Variants in PRKD2 observed in about 807,000 individuals in gnomAD.
PRKD2 encodes the protein serine/threonine-protein kinase D2.
PRKD2 carries 22 observed loss-of-function variants against 86.0 expected under a neutral mutation model. The ratio of observed to expected loss-of-function variants is 0.26; its 90% CI spans 0.18 to 0.37. The LOEUF (loss-of-function observed/expected upper bound fraction) is 0.37, where lower values mean the gene tolerates loss of function less well. PRKD2 is among the 10% of genes least tolerant of loss of function. PRKD2 has a pLI of 1.00. For synonymous variants in PRKD2, 509 were observed against 510.9 expected, an observed-to-expected ratio of 1.00 and a Z score of 0.05; for missense variants, 818 against 1,199.2, an observed-to-expected ratio of 0.68 and a Z score of 4.70.
intron 1 of PRKD2, 199 bp from the exon 2 acceptor site, chr19:46,714,200 G>A (rs1488046184): frequency 3.8e-6 from 5 of 1,330,942 alleles, no homozygotes; most frequent in Non-Finnish European, 4.8e-6. Flanking sequence ...GTACGGGGAG[G>A]GGGCGCCGGC....
Position 46,716,425 on chromosome 19 carries a change from C to G in PRKD2, c.-55G>C, listed in dbSNP as rs528137098. 635 of 1,121,484 alleles carry G rather than the reference C, an allele frequency of 5.7e-4. 1 individual carries two copies. Among genetic ancestry groups the G allele is most frequent in the Non-Finnish European group, 4.0e-4 (332 of 832,258 alleles). The allele number at this position is 1,121,484 out of a possible 1,614,324, so 69.5% of individuals were successfully genotyped here. On this transcript the variant is annotated 5_prime_UTR_variant, in exon 1 of 18. Coordinates refer to ENST00000291281, the MANE Select transcript of PRKD2 (RefSeq NM_016457.5). This position sits in a 1 kb window ranked among gnomAD's most constrained non-coding sequence, Gnocchi z 7.9. ...GCCCACCCGGGACCCGGCCGGGGGG[C>G]CCCGGGGGACCCTGGGTTCTAGATC... is the stretch of plus-strand genomic sequence containing the variant.
rs1159306440 is a variant in PRKD2, at chr19:46,680,924, C to CTATATATATATATATATATATA, written c.2070+704_2070+725dup. Among the ~76,000 whole-genome samples the CTATATATATATATATATATATA allele has an allele frequency of 1.2e-3, 90 of 72,378 alleles. 3 individuals carry two copies. Among genetic ancestry groups the CTATATATATATATATATATATA allele is most frequent in the Middle Eastern group, 0.01 (1 of 100 alleles). The allele number at this position is 72,378 out of a possible 152,430, so 47.5% of individuals were successfully genotyped here. ...ATAAAGTGCTATATGTTGGGATAAA[C>CTATATATATATATATATATATA]TATATATATATATATATATATATTT... On this transcript the variant is annotated intron_variant, in intron 15 of 17. Coordinates refer to ENST00000291281, the MANE Select transcript of PRKD2 (RefSeq NM_016457.5).
At chr19:46,702,126 C>T (rs2053645830) in intron 5 of PRKD2, among the ~76,000 whole-genome samples, 1 of 151,098 alleles carries the variant, frequency 6.6e-6, no homozygotes, top group Admixed American at 6.6e-5. Flanking sequence ...GCAACCTCTG[C>T]CTCCCAGGCT....
intron 16 of PRKD2, 121 bp from the exon 17 acceptor site, chr19:46,675,239 T>G (rs2053180892): frequency 9.0e-6 from 7 of 779,736 alleles, no homozygotes; most frequent in Non-Finnish European, 1.3e-5. Flanking sequence ...CTCAGGTGGC[T>G]CAGAAGCCTC....
chr19:46,717,081 TCGG>T lies in PRKD2; in HGVS notation c.-714_-712del, dbSNP rs537848612. Reference sequence around the variant, plus strand: ...TCTTTTTCCCCCTCCAAAGTTTAAGTCGGCGGCGGCGGCGGCGGCCCAGGAGGA... The same window carrying T: ...TCTTTTTCCCCCTCCAAAGTTTAAGTCGGCGGCGGCGGCGGCCCAGGAGGA... On this transcript the variant is annotated 5_prime_UTR_variant, in exon 1 of 18. Coordinates refer to ENST00000291281, the MANE Select transcript of PRKD2 (RefSeq NM_016457.5). 5 of 153,200 alleles carry T rather than the reference TCGG, an allele frequency of 3.3e-5. No individual in the cohort carries two copies. The highest frequency in any genetic ancestry group is 2.0e-4 in the East Asian group (1 of 5,126). The allele number at this position is 153,200 out of a possible 1,614,324, so 9.5% of individuals were successfully genotyped here. A position where few individuals can be genotyped will look rare whatever the true frequency, so the allele number is the denominator to read the frequency against.
chr19:46,677,523 GAC>G (rs2053227074), intron 16 of PRKD2: 1 of 152,206 alleles, frequency 6.6e-6, no homozygotes, highest in African/African-American at 2.4e-5. Flanking sequence ...CCTGGCTTCT[GAC>G]ACACCCCAGT....
At chr19:46,684,332 G>GT (rs1189449992) in intron 14 of PRKD2, among the ~76,000 whole-genome samples, 1 of 151,864 alleles carries the variant, frequency 6.6e-6, no homozygotes, top group African/African-American at 2.4e-5. Context: ...TCTCCAGATT[G>GT]TTTTTTTGAG....
chr19:46,714,207 C>T, intron 1 of PRKD2: 3 of 1,312,996 alleles, frequency 2.3e-6, no homozygotes, highest in Non-Finnish European at 2.9e-6. Context: ...GAGGGGGCGC[C>T]GGCGTGGGTT....
intron 14 of PRKD2, among the ~76,000 whole-genome samples, chr19:46,684,970 A>AC (rs1448211715): frequency 1.4e-5 from 2 of 139,508 alleles, no homozygotes; most frequent in African/African-American, 2.7e-5. Context: ...CTCAAAAAAA[A>AC]AAAACATTGG....
chr19:46,685,597 A>C (rs868578068), intron 14 of PRKD2: 50 of 152,134 alleles, frequency 3.3e-4, no homozygotes, highest in African/African-American at 1.2e-3. Context: ...AGAAAGAGAA[A>C]CCCCCTCAGC....
Position 46,689,618 on chromosome 19 carries a change from C to A in PRKD2, c.1890G>T (p.Leu630=), listed in dbSNP as rs574607618. ...GGATCATCTCCAACATGTCCCCATG[C>A]AGCTTCTCCATCACCACAAACACTT... is the stretch of plus-strand genomic sequence containing the variant. The part of the protein sequence containing the change: ...PEKVFVVMEK[L]HGDMLEMILS... The change falls in exon 14 of 18, where the codon CTG becomes CTT. Residue 630 remains leucine (L), a synonymous_variant. Transcript: ENST00000291281. 1.0e-4 allele frequency: 168 copies of A among 1,614,190 alleles called. 1 individual carries two copies. The South Asian group carries it at 1.6e-3, about 16-fold the overall frequency.
chr19:46,713,061 C>A (rs1447446510), intron 2 of PRKD2, among the ~76,000 whole-genome samples: 1 of 151,874 alleles, frequency 6.6e-6, no homozygotes, highest in Non-Finnish European at 1.5e-5. Flanking sequence ...CTCTGTTGCC[C>A]AGGCTGGAGT....
At chr19:46,711,146 TTTCC>T (rs910634396) in intron 2 of PRKD2, 108 bp from the exon 3 acceptor site, 118 of 1,406,804 alleles carry the variant, frequency 8.4e-5, no homozygotes, top group Non-Finnish European at 1.1e-4. Flanking sequence ...AGGTGTGATC[TTTCC>T]TTCCTTCCTT....
chr19:46,698,727 G>C (rs774550440), intron 7 of PRKD2, among the ~76,000 whole-genome samples: 12 of 152,150 alleles, frequency 7.9e-5, no homozygotes, highest in Non-Finnish European at 1.5e-4. Flanking sequence ...AGGCAGAAGT[G>C]GGGGGATCAC....
In PRKD2 at chr19:46,716,100, C is replaced by T; in HGVS notation, c.240+31G>A. The T allele has an allele frequency of 6.2e-7, 1 of 1,604,068 alleles. No individual in the cohort carries two copies. Among genetic ancestry groups the T allele is most frequent in the Admixed American group, 1.7e-5 (1 of 59,160 alleles). On this transcript the variant is annotated intron_variant, in intron 1 of 17. Coordinates refer to ENST00000291281, the MANE Select transcript of PRKD2 (RefSeq NM_016457.5). The surrounding 1 kb of genome is among the most constrained non-coding windows in gnomAD (Gnocchi z 7.9). ...AGCGCCCCCTCCTTCAACCTCTCCC[C>T]GAGCTGGATCCAGGGAGCCTGCGCC...
chr19:46,710,598 T>TA, intron 3 of PRKD2: 1 of 345,598 alleles, frequency 2.9e-6, no homozygotes, highest in African/African-American at 2.1e-5. Flanking sequence ...CCCTAACTGA[T>TA]AGAGGCCCCA....
intron 14 of PRKD2, chr19:46,689,095 A>G (rs1451889392): frequency 7.5e-6 from 1 of 133,176 alleles, no homozygotes; most frequent in Admixed American, 7.4e-5. Context: ...GGTTATTATT[A>G]CTTCTGTACG....
chr19:46,700,391 T>G (rs1488664546), intron 7 of PRKD2, among the ~76,000 whole-genome samples: 1 of 151,460 alleles, frequency 6.6e-6, no homozygotes, highest in Non-Finnish European at 1.5e-5. Context: ...TTTGGGAGGC[T>G]GAGGCGGGTG....
In PRKD2 at chr19:46,693,793, C is replaced by T; in HGVS notation, c.1576+82G>A. The T allele has an allele frequency of 3.3e-6, 5 of 1,502,724 alleles. No homozygotes were observed. The South Asian group carries it at 3.9e-5, about 12-fold the overall frequency. The allele number at this position is 1,502,724 out of a possible 1,614,324, so 93.1% of individuals were successfully genotyped here. On this transcript the variant is annotated intron_variant, in intron 10 of 17. Transcript: ENST00000291281. This position sits in a 1 kb window ranked among gnomAD's most constrained non-coding sequence, Gnocchi z 4.5. ...CTCAACCCCACCATTGCCCACTTTC[C>T]TCTTTGGCCCTTCCATTCCCCAGAA...
Sources: allele counts gnomAD v4.1 joint callset (sites outside exome capture counted in the v4.1 genomes callset), GRCh38; gene constraint gnomAD v4.1.1; non-coding constraint Gnocchi (gnomAD v3.1); transcripts MANE v1.5; gene names NCBI Gene and HGNC (gene_info 2026-07-23, HGNC 2026-07-21).